WDPCP: variants seen among roughly 807,000 people sequenced by gnomAD.
WDPCP encodes the protein WD repeat-containing and planar cell polarity effector protein fritz homolog.
In WDPCP, 71 loss-of-function variants were observed where a neutral mutation model predicts 93.1. The observed-to-expected ratio is 0.76, with a 90% CI of 0.63 to 0.93. WDPCP has a LOEUF of 0.93. Among genes scored for constraint, WDPCP ranks in the 40% least tolerant of loss-of-function variants. WDPCP has a pLI of 0.00. For missense variants in WDPCP, 844 were observed against 887.4 expected (o/e 0.95, Z 0.62); for synonymous variants, 315 against 315.0 (o/e 1.00, Z 0.00).
chr2:63,290,068 C>A (rs1194598684), intron 13 of WDPCP, among the ~76,000 whole-genome samples: 2 of 151,532 alleles, frequency 1.3e-5, no homozygotes, highest in Non-Finnish European at 2.9e-5. Flanking sequence ...TTTTGAGTAT[C>A]CATCCAGTTT....
At chr2:63,561,754 A>G (rs1706646929) in intron 1 of WDPCP, among the ~76,000 whole-genome samples, 1 of 152,254 alleles carries the variant, frequency 6.6e-6, no homozygotes, top group South Asian at 2.1e-4. Context: ...TATGCAGCCA[A>G]CAAACATGTG....
intron 3 of WDPCP, among the ~76,000 whole-genome samples, chr2:63,631,858 T>C (rs1412684602): frequency 6.6e-6 from 1 of 152,222 alleles, no homozygotes; most frequent in Non-Finnish European, 1.5e-5. Flanking sequence ...CCACAGACTC[T>C]GTGCAGCTTT....
intron 2 of WDPCP, among the ~76,000 whole-genome samples, chr2:63,665,644 G>T (rs1710274714): frequency 6.6e-6 from 1 of 152,122 alleles, no homozygotes; most frequent in African/African-American, 2.4e-5. Flanking sequence ...GTGACAGAAA[G>T]GTAAAGAAGG....
At chr2:63,837,425 G>A in the WDPCP span, among the ~76,000 whole-genome samples, 1 of 152,196 alleles carries the variant, frequency 6.6e-6, no homozygotes, top group East Asian at 1.9e-4. Context: ...CCAATATTGA[G>A]TATGGGCAAC....
intron 2 of WDPCP, among the ~76,000 whole-genome samples, chr2:63,743,974 T>C (rs960515413): frequency 3.9e-5 from 6 of 152,136 alleles, no homozygotes; most frequent in African/African-American, 1.4e-4. Context: ...GGGCAACTTA[T>C]ACACATCATG....
intron 1 of WDPCP, among the ~76,000 whole-genome samples, chr2:63,560,795 A>G (rs1286228819): frequency 6.6e-6 from 1 of 152,188 alleles, no homozygotes; most frequent in Non-Finnish European, 1.5e-5. Flanking sequence ...GAACACATGG[A>G]CACAGGGAGG....
intron 2 of WDPCP, among the ~76,000 whole-genome samples, chr2:63,660,929 A>G (rs970566623): frequency 1.3e-5 from 2 of 152,168 alleles, no homozygotes; most frequent in Non-Finnish European, 2.9e-5. Flanking sequence ...TATTTGATAA[A>G]ATTTAACTCC....
chr2:63,609,314 T>G (rs1436774658), intron 3 of WDPCP, among the ~76,000 whole-genome samples: 1 of 151,974 alleles, frequency 6.6e-6, no homozygotes, highest in Non-Finnish European at 1.5e-5. Context: ...TGAGCCGAGA[T>G]CATGCCACTG....
intron 7 of WDPCP, chr2:63,438,103 A>G: frequency 1.1e-6 from 1 of 930,688 alleles, no homozygotes; most frequent in South Asian, 5.4e-5. Flanking sequence ...TCTAATAATG[A>G]AAATTAGCAC....
chr2:63,678,543 G>C (rs921295403), intron 2 of WDPCP, among the ~76,000 whole-genome samples: 1 of 152,190 alleles, frequency 6.6e-6, no homozygotes, highest in East Asian at 1.9e-4. Context: ...AGGTCAACTA[G>C]CTCACTAAAC....
intron 12 of WDPCP, among the ~76,000 whole-genome samples, chr2:63,372,894 C>T (rs1189961259): frequency 2.0e-5 from 3 of 152,036 alleles, no homozygotes; most frequent in Admixed American, 1.3e-4. Context: ...GAGGCCGAGG[C>T]GGGTGAATCA....
At chr2:63,231,931 T>C (rs892752800) in intron 14 of WDPCP, among the ~76,000 whole-genome samples, 3 of 152,048 alleles carry the variant, frequency 2.0e-5, no homozygotes, top group African/African-American at 4.8e-5. Context: ...CTTCAAACTA[T>C]ACTACAAGGC....
intron 2 of WDPCP, among the ~76,000 whole-genome samples, chr2:63,785,987 T>C (rs545183928): frequency 2.6e-5 from 4 of 152,306 alleles, no homozygotes; most frequent in African/African-American, 9.6e-5. Context: ...AAAAGAGTTA[T>C]GTGTTTTCCA....
In WDPCP at chr2:63,173,279, A is replaced by G. The variant is rs76421075; in HGVS notation, c.2078+1391T>C. 5.8e-5 allele frequency among the ~76,000 whole-genome samples: 8 copies of G among 136,770 alleles called. No individual in the cohort carries two copies. The East Asian group carries it at 1.0e-3, about 17-fold the overall frequency. The allele number at this position is 136,770 out of a possible 152,430, so 89.7% of individuals were successfully genotyped here. On this transcript the variant is annotated intron_variant, in intron 15 of 17. Transcript: ENST00000272321. ...GCGAAACTCTGTCGCAAAAAAAAAA[A>G]AAAAAAGAAAAAATTGTGGAGAGCT...
Position 63,751,858 on chromosome 2 carries a change from A to G in WDPCP, n.308+61764T>C, listed in dbSNP as rs1365532564. On this transcript the variant is annotated intron_variant and non_coding_transcript_variant, in intron 2 of 4. Coordinates refer to the WDPCP transcript ENST00000467687. ...TGAAGACTAATTGTTGTAATTGCCA[A>G]AAGCATTGTAGCTTCCACCACCTTC... is the stretch of plus-strand genomic sequence containing the variant. The G allele has an allele frequency of 5.6e-5, 38 of 677,720 alleles. 1 individual carries two copies. Among genetic ancestry groups the G allele is most frequent in the South Asian group, 2.6e-4 (19 of 73,712 alleles). 42.0% of individuals were successfully genotyped at this position (677,720 alleles called of 1,614,324 possible). A position where few individuals can be genotyped will look rare whatever the true frequency, so the allele number is the denominator to read the frequency against.
At chr2:63,668,427 G>A (rs987845009) in intron 2 of WDPCP, among the ~76,000 whole-genome samples, 1 of 152,176 alleles carries the variant, frequency 6.6e-6, no homozygotes, top group Non-Finnish European at 1.5e-5. Context: ...TCTGGATTAG[G>A]TTTTAGCATA....
At chr2:63,533,803 G>C (rs758925709) in intron 1 of WDPCP, among the ~76,000 whole-genome samples, 10 of 152,074 alleles carry the variant, frequency 6.6e-5, no homozygotes, top group South Asian at 2.1e-4. Flanking sequence ...AAAAGAACTA[G>C]AGAAGCAAGA....
At chr2:63,526,055 C>CTGTGTGTGTGTG (rs34946446) in intron 1 of WDPCP, among the ~76,000 whole-genome samples, 1 of 148,750 alleles carries the variant, frequency 6.7e-6, no homozygotes, top group Non-Finnish European at 1.5e-5. Flanking sequence ...GCTGTTGCTA[C>CTGTGTGTGTGTG]TGTGTGTGTG....
chr2:63,600,363 C>T (rs1709395489), intron 3 of WDPCP, among the ~76,000 whole-genome samples: 2 of 152,160 alleles, frequency 1.3e-5, no homozygotes, highest in African/African-American at 4.8e-5. Flanking sequence ...GTCAGAGAAC[C>T]TGCTCAGAGT....
Sources: allele counts gnomAD v4.1 joint callset (sites outside exome capture counted in the v4.1 genomes callset), GRCh38; gene constraint gnomAD v4.1.1; transcripts MANE v1.5; gene names NCBI Gene and HGNC (gene_info 2026-07-23, HGNC 2026-07-21).